The following SPATA17 variants were observed in gnomAD, a reference collection of about 807,000 sequenced individuals.
SPATA17 encodes spermatogenesis associated 17.
A neutral mutation model predicts 62.2 loss-of-function variants in SPATA17; 53 were observed. The observed-to-expected ratio is 0.85, with a 90% CI of 0.68 to 1.07. The LOEUF (loss-of-function observed/expected upper bound fraction) is 1.07. Ranked by LOEUF, SPATA17 falls within the 50% of genes least tolerant of loss-of-function variation. The probability of loss-of-function intolerance (pLI) is 0.00; values close to 1 mark genes in which losing one functional copy is unlikely to be tolerated. For synonymous variants in SPATA17, 146 were observed against 146.8 expected (o/e 0.99, Z 0.04); for missense variants, 466 against 425.5 (o/e 1.10, Z -0.84).
intron 5 of SPATA17, among the ~76,000 whole-genome samples, chr1:217,701,941 A>G (rs1430819899): frequency 3.3e-5 from 5 of 151,972 alleles, no homozygotes; most frequent in Non-Finnish European, 7.4e-5. Context: ...CTTTAGTTCT[A>G]TCATCCTTTT....
intron 9 of SPATA17, among the ~76,000 whole-genome samples, chr1:217,817,875 C>T (rs891257072): frequency 6.6e-6 from 1 of 152,000 alleles, no homozygotes; most frequent in Non-Finnish European, 1.5e-5. Flanking sequence ...CTTTATGAAG[C>T]ATTTTGTATT....
At chr1:217,808,231 G>A (rs1481575085) in intron 9 of SPATA17, among the ~76,000 whole-genome samples, 1 of 152,084 alleles carries the variant, frequency 6.6e-6, no homozygotes, top group African/African-American at 2.4e-5. Flanking sequence ...GCCTTCAGGT[G>A]GGAAAGGCAA....
At chr1:217,798,979 T>C (rs1285815136) in intron 8 of SPATA17, among the ~76,000 whole-genome samples, 2 of 151,644 alleles carry the variant, frequency 1.3e-5, no homozygotes, top group Non-Finnish European at 2.9e-5. Context: ...TATTAAAAAC[T>C]GGTAAAAGAA....
chr1:217,690,473 ATT>A (rs60737502), intron 5 of SPATA17, among the ~76,000 whole-genome samples: 3,583 of 79,472 alleles, frequency 0.045, 49 homozygotes, highest in African/African-American at 0.051. Context: ...TTTATTTTTT[ATT>A]TTTTTTTTTT....
intron 6 of SPATA17, among the ~76,000 whole-genome samples, chr1:217,755,394 G>T (rs994353422): frequency 2.0e-5 from 3 of 151,928 alleles, no homozygotes; most frequent in African/African-American, 4.8e-5. Flanking sequence ...AAAGGGAAAA[G>T]AATCTTTCTT....
intron 5 of SPATA17, among the ~76,000 whole-genome samples, chr1:217,687,960 A>G (rs1033014296): frequency 2.0e-5 from 3 of 152,208 alleles, no homozygotes; most frequent in Admixed American, 1.3e-4. Context: ...CCTTTTATAT[A>G]TAAACTATGA....
chr1:217,662,088 A>G (rs1230298985), intron 3 of SPATA17, among the ~76,000 whole-genome samples: 1 of 152,170 alleles, frequency 6.6e-6, no homozygotes, highest in Non-Finnish European at 1.5e-5. Context: ...GACTGCATTT[A>G]TCTGTAAAAA....
chr1:217,851,798 C>A, intron 9 of SPATA17, among the ~76,000 whole-genome samples: 1 of 152,092 alleles, frequency 6.6e-6, no homozygotes, highest in Non-Finnish European at 1.5e-5. Context: ...GAAGACAAGG[C>A]AATATTGCTT....
intron 8 of SPATA17, among the ~76,000 whole-genome samples, chr1:217,786,933 A>G (rs1050905956): frequency 5.3e-5 from 8 of 152,008 alleles, no homozygotes; most frequent in Admixed American, 5.2e-4. Flanking sequence ...TTACATTTTC[A>G]ACTGCCATCT....
intron 5 of SPATA17, among the ~76,000 whole-genome samples, chr1:217,685,325 G>C (rs1050673038): frequency 6.6e-6 from 1 of 152,204 alleles, no homozygotes; most frequent in South Asian, 2.1e-4. Context: ...AATAGGTAAA[G>C]AGGTGGTTTG....
intron 1 of SPATA17, among the ~76,000 whole-genome samples, chr1:217,641,064 G>A (rs1018504560): frequency 6.6e-6 from 1 of 151,940 alleles, no homozygotes; most frequent in East Asian, 1.9e-4. Context: ...GTTTGTCCTA[G>A]GGCAAAAATT....
intron 9 of SPATA17, among the ~76,000 whole-genome samples, chr1:217,850,865 A>G (rs570048603): frequency 1.3e-5 from 2 of 152,230 alleles, no homozygotes; most frequent in African/African-American, 4.8e-5. Flanking sequence ...TGAAATTTGC[A>G]GGGGGAATTA....
chr1:217,865,703 A>G (rs1020693397), intron 10 of SPATA17, among the ~76,000 whole-genome samples: 1 of 152,154 alleles, frequency 6.6e-6, no homozygotes, highest in Non-Finnish European at 1.5e-5. Context: ...AATTAGCAAG[A>G]TAAGGTTAAA....
chr1:217,842,991 G>T (rs917760697), intron 9 of SPATA17, among the ~76,000 whole-genome samples: 1 of 151,416 alleles, frequency 6.6e-6, no homozygotes, highest in African/African-American at 2.4e-5. Context: ...TTGTTTAGAA[G>T]TATATTACTG....
chr1:217,851,192 C>T (rs1445865645), intron 9 of SPATA17, among the ~76,000 whole-genome samples: 1 of 151,910 alleles, frequency 6.6e-6, no homozygotes, highest in Non-Finnish European at 1.5e-5. Context: ...TCTCAGTTTT[C>T]CTGAGAGAAA....
chr1:217,809,815 GCAAT>G (rs1674540339), intron 9 of SPATA17, among the ~76,000 whole-genome samples: 1 of 152,180 alleles, frequency 6.6e-6, no homozygotes, highest in Non-Finnish European at 1.5e-5. Context: ...ATAAAATTCA[GCAAT>G]CAACCTGTTC....
intron 6 of SPATA17, among the ~76,000 whole-genome samples, chr1:217,766,698 A>C (rs911808628): frequency 7.0e-5 from 10 of 142,860 alleles, no homozygotes; most frequent in African/African-American, 2.6e-4. Flanking sequence ...TGTAGATCTG[A>C]TTTTTTGGCC....
At chr1:217,690,349 T>A (rs1487364967) in intron 5 of SPATA17, among the ~76,000 whole-genome samples, 1 of 152,114 alleles carries the variant, frequency 6.6e-6, no homozygotes, top group Non-Finnish European at 1.5e-5. Context: ...CAGATACAGC[T>A]TCTATCTTGC....
At chr1:217,786,723 A>C (rs1673872255) in intron 8 of SPATA17, among the ~76,000 whole-genome samples, 1 of 149,048 alleles carries the variant, frequency 6.7e-6, no homozygotes, top group African/African-American at 2.5e-5. Context: ...GGTTAGAACT[A>C]AAATGATAGA....
Sources: allele counts gnomAD v4.1 joint callset (sites outside exome capture counted in the v4.1 genomes callset), GRCh38; gene constraint gnomAD v4.1.1; transcripts MANE v1.5; gene names NCBI Gene and HGNC (gene_info 2026-07-23, HGNC 2026-07-21).